The following CRYBA4 variants were observed in gnomAD, a reference collection of about 807,000 sequenced individuals.
The protein encoded by CRYBA4 is beta-crystallin A4.
In CRYBA4, 30 loss-of-function variants were observed where a neutral mutation model predicts 31.7. That is an observed-to-expected ratio of 0.95 (90% CI 0.71 to 1.28). The LOEUF is 1.28. CRYBA4 is among the 50% of genes most tolerant of loss of function. The pLI is 0.00. For synonymous variants in CRYBA4, 102 were observed against 102.3 expected (o/e 1.00, Z 0.02); for missense variants, 225 against 260.7 (o/e 0.86, Z 0.94).
chr22:26,616,370 AC>A, the CRYBA4 span: 1 of 1,487,766 alleles, frequency 6.7e-7, no homozygotes, highest in Non-Finnish European at 9.3e-7. Flanking sequence ...CAGGGATGAC[AC>A]CCCCAAACTG....
At chr22:26,627,374 T>TTC (rs1267622245) in intron 4 of CRYBA4, among the ~76,000 whole-genome samples, 1 of 60,402 alleles carries the variant, frequency 1.7e-5, no homozygotes, top group African/African-American at 1.2e-4. Flanking sequence ...CTTTCTTTCT[T>TTC]TCTTTCTTTC....
Position 26,622,607 on chromosome 22 carries a change from A to G in CRYBA4, c.11A>G (p.Gln4Arg). The part of the protein sequence containing the change: MTL[Q>R]CTKSAGPWKM... The stretch of plus-strand genomic sequence containing the variant: ...CAGGAAGGGGCCACAATGACCCTGC[A>G]ATGCACAAAGTCAGCGGGACCCTGG... Residue 4 changes from glutamine to arginine, a missense_variant, in exon 2 of 6, where the codon CAA becomes CGA. Physicochemically the swap from Gln to Arg is conservative, Grantham distance 43 (BLOSUM62 1). Transcript: ENST00000354760. The G allele has an allele frequency of 6.2e-7, 1 of 1,613,764 alleles. No individual in the cohort carries two copies. The highest frequency in any genetic ancestry group is 8.5e-7 in the Non-Finnish European group (1 of 1,179,766).
At chr22:26,596,661 A>C in the CRYBA4 span, 1 of 152,190 alleles carries the variant, frequency 6.6e-6, no homozygotes, top group Admixed American at 6.5e-5. Flanking sequence ...GAACTATGGA[A>C]GTCAATTTCA....
chr22:26,628,163 C>T (rs1929807877), intron 4 of CRYBA4, 125 bp from the exon 5 acceptor site: 1 of 1,360,794 alleles, frequency 7.3e-7, no homozygotes, highest in Non-Finnish European at 1.0e-6. Flanking sequence ...GCCTTATTGC[C>T]CTTCCAAAAG....
At chr22:26,612,342 A>G in the CRYBA4 span, 1 of 630,378 alleles carries the variant, frequency 1.6e-6, no homozygotes. Context: ...CCCATCCCCC[A>G]ATTCTTTACT....
At chr22:26,597,533 C>A in the CRYBA4 span, among the ~76,000 whole-genome samples, 7 of 152,334 alleles carry the variant, frequency 4.6e-5, no homozygotes, top group East Asian at 1.4e-3. Flanking sequence ...ATCATCTCCC[C>A]TATTCTCCAT....
intron 4 of CRYBA4, among the ~76,000 whole-genome samples, chr22:26,626,132 T>C (rs1929697477): frequency 6.6e-6 from 1 of 152,212 alleles, no homozygotes; most frequent in African/African-American, 2.4e-5. Flanking sequence ...CTGGGCATGG[T>C]GGCTCACACC....
At chr22:26,630,206 A>G (rs1929881596) in intron 5 of CRYBA4, 134 bp from the exon 6 acceptor site, 2 of 1,116,978 alleles carry the variant, frequency 1.8e-6, no homozygotes, top group Non-Finnish European at 1.3e-6. Context: ...GGGAGAGAGC[A>G]TGGCACATTG....
At chr22:26,612,893 GC>G in the CRYBA4 span, among the ~76,000 whole-genome samples, 1 of 152,036 alleles carries the variant, frequency 6.6e-6, no homozygotes, top group East Asian at 1.9e-4. Context: ...TCCTCCATCG[GC>G]CTTGGTTGAG....
chr22:26,613,018 C>T, the CRYBA4 span, among the ~76,000 whole-genome samples: 1 of 152,176 alleles, frequency 6.6e-6, no homozygotes, highest in Non-Finnish European at 1.5e-5. Flanking sequence ...CATTACCCAG[C>T]CCCTCCAAAG....
chr22:26,592,114 A>G, the CRYBA4 span, among the ~76,000 whole-genome samples: 1 of 152,222 alleles, frequency 6.6e-6, no homozygotes, highest in Non-Finnish European at 1.5e-5. Context: ...ATACAACAAC[A>G]TTACATAGTG....
chr22:26,619,826 C>G (rs748124486), upstream of CRYBA4, among the ~76,000 whole-genome samples: 12 of 152,196 alleles, frequency 7.9e-5, no homozygotes, highest in Non-Finnish European at 1.5e-4. Context: ...CCGTGCCCCC[C>G]CTAAAGCCCC....
At chr22:26,619,331 C>T (rs545350701), upstream of CRYBA4, among the ~76,000 whole-genome samples, 8 of 152,192 alleles carry the variant, frequency 5.3e-5, no homozygotes, top group South Asian at 4.2e-4. Context: ...GAGGAACAGA[C>T]GCCAGAAATC....
chr22:26,606,513 G>A, the CRYBA4 span, among the ~76,000 whole-genome samples: 1 of 152,126 alleles, frequency 6.6e-6, no homozygotes, highest in Non-Finnish European at 1.5e-5. Context: ...GAAGCTACTG[G>A]AAATGCCCTG....
intron 5 of CRYBA4, among the ~76,000 whole-genome samples, chr22:26,629,949 G>T (rs1302306450): frequency 6.6e-6 from 1 of 151,544 alleles, no homozygotes; most frequent in Non-Finnish European, 1.5e-5. Context: ...AAACATACAC[G>T]TTCCTACACT....
chr22:26,627,647 T>TCTC (rs1929792842), intron 4 of CRYBA4, among the ~76,000 whole-genome samples: 1 of 147,942 alleles, frequency 6.8e-6, no homozygotes, highest in South Asian at 2.2e-4. Flanking sequence ...TCTCTCTCTC[T>TCTC]TTCTTTCTTT....
At chr22:26,598,786 A>G in the CRYBA4 span, among the ~76,000 whole-genome samples, 14 of 152,334 alleles carry the variant, frequency 9.2e-5, no homozygotes, top group East Asian at 2.7e-3. Flanking sequence ...AAATAAGTCT[A>G]TTTAAATAAA....
chr22:26,617,981 G>A (rs1207336621), upstream of CRYBA4: 1 of 153,224 alleles, frequency 6.5e-6, no homozygotes, highest in Non-Finnish European at 1.5e-5. Flanking sequence ...TCTTACCTGG[G>A]GACTTGCTAC....
At chr22:26,608,398 T>A in the CRYBA4 span, among the ~76,000 whole-genome samples, 2 of 150,988 alleles carry the variant, frequency 1.3e-5, no homozygotes, top group Non-Finnish European at 3.0e-5. Flanking sequence ...CATTTGAAAC[T>A]TGACGCCAGC....
Sources: allele counts gnomAD v4.1 joint callset (sites outside exome capture counted in the v4.1 genomes callset), GRCh38; gene constraint gnomAD v4.1.1; transcripts MANE v1.5; gene names NCBI Gene and HGNC (gene_info 2026-07-23, HGNC 2026-07-21).